TNNI3K: variants seen among roughly 807,000 people sequenced by gnomAD.
TNNI3K encodes the protein serine/threonine-protein kinase TNNI3K.
Under a neutral mutation model 114.5 loss-of-function variants are expected in TNNI3K, and 140 were observed. The ratio of observed to expected loss-of-function variants is 1.22; its 90% CI spans 1.07 to 1.41. TNNI3K has a LOEUF of 1.41. TNNI3K is among the 40% of genes most tolerant of loss of function. The pLI, the probability that TNNI3K is intolerant of heterozygous loss-of-function variation, is 0.00. For synonymous variants in TNNI3K, 347 were observed against 347.5 expected (o/e 1.00, Z 0.02); for missense variants, 1,125 against 1,007.6 (o/e 1.12, Z -1.58).
At chr1:74,466,621 C>T (rs1462273175) in intron 21 of TNNI3K, among the ~76,000 whole-genome samples, 2 of 152,184 alleles carry the variant, frequency 1.3e-5, no homozygotes, top group African/African-American at 2.4e-5. Context: ...CTTCAGCTGG[C>T]TTGAGATATG....
At chr1:74,453,300 A>G (rs2100702521) in intron 20 of TNNI3K, among the ~76,000 whole-genome samples, 1 of 152,316 alleles carries the variant, frequency 6.6e-6, no homozygotes, top group Non-Finnish European at 1.5e-5. Context: ...GATTTTGTTT[A>G]TGATAGATGC....
intron 17 of TNNI3K, among the ~76,000 whole-genome samples, chr1:74,394,637 C>T (rs1663976725): frequency 6.6e-6 from 1 of 152,206 alleles, no homozygotes; most frequent in Non-Finnish European, 1.5e-5. Flanking sequence ...TTTGTCTGTT[C>T]TATTCAGCCT....
chr1:74,266,078 C>A (rs1314977737), intron 4 of TNNI3K, among the ~76,000 whole-genome samples: 1 of 152,020 alleles, frequency 6.6e-6, no homozygotes, highest in Non-Finnish European at 1.5e-5. Flanking sequence ...TTATTATTCT[C>A]ATGGATTCTT....
intron 11 of TNNI3K, among the ~76,000 whole-genome samples, chr1:74,362,003 G>T (rs750312613): frequency 1.8e-4 from 27 of 152,088 alleles, no homozygotes; most frequent in Non-Finnish European, 3.4e-4. Flanking sequence ...GGTCAAAGGG[G>T]ATGTGAGTTC....
intron 23 of TNNI3K, among the ~76,000 whole-genome samples, chr1:74,527,942 G>A (rs143155388): frequency 3.9e-4 from 60 of 152,278 alleles, no homozygotes; most frequent in African/African-American, 1.4e-3. Flanking sequence ...AAAAGTGGGA[G>A]AAGGAAAGGG....
intron 5 of TNNI3K, among the ~76,000 whole-genome samples, chr1:74,271,945 T>C (rs1656378535): frequency 6.6e-6 from 1 of 151,916 alleles, no homozygotes; most frequent in African/African-American, 2.4e-5. Context: ...ATACAGAGGC[T>C]TTATAGCAGC....
At chr1:74,329,033 A>G (rs1660061423) in intron 5 of TNNI3K, among the ~76,000 whole-genome samples, 1 of 152,142 alleles carries the variant, frequency 6.6e-6, no homozygotes, top group East Asian at 1.9e-4. Context: ...GTCTAAATCT[A>G]TGGAGCCTCT....
At chr1:74,492,030 A>AG in intron 22 of TNNI3K, 67 bp from the exon 23 acceptor site, 3 of 1,382,184 alleles carry the variant, frequency 2.2e-6, no homozygotes, top group Non-Finnish European at 2.8e-6. Flanking sequence ...TTAAATCCAT[A>AG]TTTTATGTTA....
At chr1:74,262,573 C>G (rs1241037631) in intron 4 of TNNI3K, among the ~76,000 whole-genome samples, 2 of 151,312 alleles carry the variant, frequency 1.3e-5, no homozygotes, top group African/African-American at 2.4e-5. Context: ...AAGAATCCCA[C>G]TTTTTGCATA....
rs1370145905 is a variant in TNNI3K, at chr1:74,257,103, G to T, written c.333+6334G>T. Among the ~76,000 whole-genome samples, 7 of 151,784 alleles carry T rather than the reference G, an allele frequency of 4.6e-5. No individual in the cohort carries two copies. In the East Asian group the frequency reaches 9.6e-4, roughly 21 times the overall value. On this transcript the variant is annotated intron_variant, in intron 4 of 24. Coordinates refer to ENST00000326637, the MANE Select transcript of TNNI3K (RefSeq NM_015978.3). ...TTCTTTCTTTCTGTTCTCCAAATTAGATTATTTCTACTTATTTGAATTCAA... is the reference window on the plus strand; with the variant it reads ...TTCTTTCTTTCTGTTCTCCAAATTATATTATTTCTACTTATTTGAATTCAA...
intron 20 of TNNI3K, among the ~76,000 whole-genome samples, chr1:74,448,611 G>A (rs1414678681): frequency 1.1e-4 from 15 of 132,678 alleles, no homozygotes; most frequent in Admixed American, 3.1e-4. Context: ...GTCATAGATA[G>A]CTCTTATCAT....
At chr1:74,304,539 C>T (rs1658509429) in intron 5 of TNNI3K, among the ~76,000 whole-genome samples, 1 of 152,190 alleles carries the variant, frequency 6.6e-6, no homozygotes, top group African/African-American at 2.4e-5. Context: ...AACTACCAGG[C>T]TCACATGAAC....
chr1:74,475,829 C>T (rs532867958), intron 21 of TNNI3K: 4 of 541,822 alleles, frequency 7.4e-6, no homozygotes, highest in African/African-American at 3.8e-5. Context: ...AATAGAGAGA[C>T]CATTAAAAGA....
At chr1:74,391,957 A>ATTATTATTATTTTTTTTTT (rs1369570973) in intron 17 of TNNI3K, among the ~76,000 whole-genome samples, 1 of 92,990 alleles carries the variant, frequency 1.1e-5, no homozygotes, top group Non-Finnish European at 2.2e-5. Flanking sequence ...ACAGCTTATT[A>ATTATTATTATTTTTTTTTT]TTTTTTTTTT....
intron 6 of TNNI3K, among the ~76,000 whole-genome samples, chr1:74,335,119 A>G (rs1557503625): frequency 6.6e-6 from 1 of 152,232 alleles, no homozygotes; most frequent in Admixed American, 6.5e-5. Flanking sequence ...ACTGTATGTC[A>G]GTCATTGTGC....
At chr1:74,516,373 G>A (rs1646348089) in intron 23 of TNNI3K, among the ~76,000 whole-genome samples, 1 of 152,148 alleles carries the variant, frequency 6.6e-6, no homozygotes, top group Admixed American at 6.5e-5. Flanking sequence ...AATAAGACAT[G>A]GTTTCTGACT....
intron 21 of TNNI3K, chr1:74,468,914 C>T (rs1471174553): frequency 2.0e-5 from 3 of 151,964 alleles, no homozygotes; most frequent in African/African-American, 7.3e-5. Flanking sequence ...ATAAGCATGG[C>T]TTTGAATGAG....
At chr1:74,379,911 T>C (rs1663111878) in intron 17 of TNNI3K, among the ~76,000 whole-genome samples, 1 of 152,158 alleles carries the variant, frequency 6.6e-6, no homozygotes, top group Admixed American at 6.5e-5. Flanking sequence ...CTCATCTGCC[T>C]TCATTAGGTC....
intron 4 of TNNI3K, among the ~76,000 whole-genome samples, chr1:74,253,025 G>C (rs566564175): frequency 7.2e-5 from 11 of 152,094 alleles, no homozygotes; most frequent in Non-Finnish European, 1.6e-4. Context: ...GGTCCATTTT[G>C]ACAAGGTGCT....
Sources: allele counts gnomAD v4.1 joint callset (sites outside exome capture counted in the v4.1 genomes callset), GRCh38; gene constraint gnomAD v4.1.1; transcripts MANE v1.5; gene names NCBI Gene and HGNC (gene_info 2026-07-23, HGNC 2026-07-21).